Variants in MTUS2 observed in about 807,000 individuals in gnomAD.
MTUS2 encodes the protein microtubule associated scaffold protein 2.
In MTUS2, 40 loss-of-function variants were observed where a neutral mutation model predicts 114.1. The observed-to-expected ratio is 0.35, with a 90% CI of 0.27 to 0.46. The LOEUF (loss-of-function observed/expected upper bound fraction) is 0.46, where lower values mean the gene tolerates loss of function less well. Among genes scored for constraint, MTUS2 ranks in the 20% least tolerant of loss-of-function variants. The pLI is 1.00. For missense variants in MTUS2, 1,679 were observed against 1,705.4 expected, an observed-to-expected ratio of 0.98 and a Z score of 0.27; for synonymous variants, 688 against 672.0, an observed-to-expected ratio of 1.02 and a Z score of -0.37.
chr13:29,302,034 A>G (rs1231858646), intron 6 of MTUS2, among the ~76,000 whole-genome samples: 5 of 152,208 alleles, frequency 3.3e-5, no homozygotes, highest in Non-Finnish European at 4.4e-5. Flanking sequence ...CCCACCTTCC[A>G]TACCATCACA....
chr13:29,129,490 A>G (rs1891663451), intron 5 of MTUS2, among the ~76,000 whole-genome samples: 1 of 152,220 alleles, frequency 6.6e-6, no homozygotes, highest in Admixed American at 6.5e-5. Context: ...ATTGTTGTTT[A>G]AACAAAGAGG....
intron 2 of MTUS2, among the ~76,000 whole-genome samples, chr13:28,879,442 G>T (rs3011031): frequency 0.15 from 23,433 of 152,108 alleles, 2,090 homozygotes; most frequent in African/African-American, 0.23. Context: ...ATAGTATGTG[G>T]TAGGGCAGGG....
intron 2 of MTUS2, among the ~76,000 whole-genome samples, chr13:28,953,258 C>T (rs1469763713): frequency 6.6e-6 from 1 of 151,980 alleles, no homozygotes; most frequent in African/African-American, 2.4e-5. Context: ...CCTGTAATCC[C>T]TGCACTTTGG....
intron 6 of MTUS2, among the ~76,000 whole-genome samples, chr13:29,287,279 G>A (rs1383000955): frequency 2.0e-5 from 3 of 152,198 alleles, no homozygotes; most frequent in Admixed American, 2.0e-4. Flanking sequence ...TGTGTGAAGG[G>A]GGATGGTGTG....
intron 8 of MTUS2, among the ~76,000 whole-genome samples, chr13:29,438,527 G>T (rs1877590393): frequency 6.6e-6 from 1 of 152,148 alleles, no homozygotes; most frequent in African/African-American, 2.4e-5. Context: ...CACGGAGGAA[G>T]GGGCAAGGCA....
chr13:29,272,023 G>T (rs541632283), intron 5 of MTUS2, among the ~76,000 whole-genome samples: 1 of 151,984 alleles, frequency 6.6e-6, no homozygotes, highest in Non-Finnish European at 1.5e-5. Context: ...TTTCTCTGTG[G>T]TATCTCAACT....
intron 8 of MTUS2, among the ~76,000 whole-genome samples, chr13:29,417,635 T>C (rs1303795128): frequency 6.6e-6 from 1 of 152,148 alleles, no homozygotes; most frequent in Non-Finnish European, 1.5e-5. Flanking sequence ...TCATTTTCTT[T>C]CATTGCTTTC....
chr13:29,064,413 T>G (rs1324975746), intron 4 of MTUS2, among the ~76,000 whole-genome samples: 1 of 72,018 alleles, frequency 1.4e-5, no homozygotes, highest in Non-Finnish European at 2.8e-5. Flanking sequence ...TTTTTTTTTT[T>G]TGACAGAATT....
chr13:29,026,272 G>C lies in MTUS2; in HGVS notation c.1574G>C (p.Arg525Thr). 6.2e-7 allele frequency: 1 copy of C among 1,613,994 alleles called. No homozygotes were observed. The highest frequency in any genetic ancestry group is 1.1e-5 in the South Asian group (1 of 91,086). The change falls in exon 3 of 16, where the codon AGA becomes ACA. Residue 525 changes from arginine (R) to threonine (T), a missense_variant. By Grantham distance (71) the Arg-to-Thr change is moderately conservative (BLOSUM62 -1). Transcript: ENST00000612955. ...GATAAGATTGAAAGCACCTCAGCAAGAGCAGATTCAGTTCTCAATATTCCA... is the reference window on the plus strand; with the variant it reads ...GATAAGATTGAAAGCACCTCAGCAACAGCAGATTCAGTTCTCAATATTCCA... ...NADKIESTSA[R>T]ADSVLNIPAP...
chr13:28,965,628 A>G (rs1001211515), intron 2 of MTUS2, among the ~76,000 whole-genome samples: 1 of 152,166 alleles, frequency 6.6e-6, no homozygotes, highest in Non-Finnish European at 1.5e-5. Flanking sequence ...GTGTGTGTAT[A>G]TATATGATAA....
At chr13:29,279,019 T>G (rs1898170197) in intron 5 of MTUS2, among the ~76,000 whole-genome samples, 1 of 152,200 alleles carries the variant, frequency 6.6e-6, no homozygotes, top group African/African-American at 2.4e-5. Flanking sequence ...AGCATGTACA[T>G]TAATAACTAA....
At chr13:29,222,239 G>GCT (rs527903843) in intron 5 of MTUS2, among the ~76,000 whole-genome samples, 82 of 152,290 alleles carry the variant, frequency 5.4e-4, no homozygotes, top group African/African-American at 1.9e-3. Context: ...TTGTTTCTGA[G>GCT]CTCTCTATTC....
intron 4 of MTUS2, among the ~76,000 whole-genome samples, chr13:29,077,635 A>C (rs1889253266): frequency 2.6e-5 from 4 of 152,210 alleles, no homozygotes; most frequent in Admixed American, 2.6e-4. Flanking sequence ...ACAGTGCTCC[A>C]GCAGATTGTC....
chr13:29,288,275 A>G (rs1483544730), intron 6 of MTUS2, among the ~76,000 whole-genome samples: 1 of 152,170 alleles, frequency 6.6e-6, no homozygotes, highest in African/African-American at 2.4e-5. Context: ...AGGACATGGA[A>G]AGTGCAAAGG....
Position 29,333,705 on chromosome 13 carries a change from G to A in MTUS2, c.2905+8994G>A, listed in dbSNP as rs138873848. On this transcript the variant is annotated intron_variant, in intron 7 of 15. Transcript: ENST00000612955. ...AGTTCTGTAGATGACTATTAGGTCCGTTTGGTCCAGAGCTGAGTTCAAGTC... is the reference window on the plus strand; with the variant it reads ...AGTTCTGTAGATGACTATTAGGTCCATTTGGTCCAGAGCTGAGTTCAAGTC... Among the ~76,000 whole-genome samples, 404 of 152,236 alleles carry A rather than the reference G, an allele frequency of 2.7e-3. 2 individuals are homozygous for A. Among genetic ancestry groups the A allele is most frequent in the Non-Finnish European group, 4.1e-3 (280 of 68,012 alleles).
chr13:29,487,206 C>T (rs769578309), intron 10 of MTUS2, among the ~76,000 whole-genome samples: 1 of 152,154 alleles, frequency 6.6e-6, no homozygotes, highest in Non-Finnish European at 1.5e-5. Context: ...CCAGCCTCAC[C>T]TGGTATTGGC....
chr13:28,906,287 C>A (rs1880007566), intron 2 of MTUS2, among the ~76,000 whole-genome samples: 3 of 150,818 alleles, frequency 2.0e-5, no homozygotes, highest in South Asian at 2.1e-4. Flanking sequence ...TATTTCTTGC[C>A]TTCTGCTAGC....
intron 5 of MTUS2, among the ~76,000 whole-genome samples, chr13:29,169,555 C>T (rs1407028083): frequency 1.3e-5 from 2 of 152,214 alleles, no homozygotes; most frequent in East Asian, 3.9e-4. Flanking sequence ...GGAGACTCTT[C>T]TGGGGCTGGG....
At chr13:29,222,589 G>T (rs374683862) in intron 5 of MTUS2, among the ~76,000 whole-genome samples, 95 of 152,350 alleles carry the variant, frequency 6.2e-4, no homozygotes, top group African/African-American at 2.1e-3. Context: ...TGCAGTGGGA[G>T]AGGCGTAGCT....
Sources: allele counts gnomAD v4.1 joint callset (sites outside exome capture counted in the v4.1 genomes callset), GRCh38; gene constraint gnomAD v4.1.1; transcripts MANE v1.5; gene names NCBI Gene and HGNC (gene_info 2026-07-23, HGNC 2026-07-21).